HERC3: variants seen among roughly 807,000 people sequenced by gnomAD.
HERC3 encodes probable E3 ubiquitin-protein ligase HERC3.
In HERC3, 58 loss-of-function variants were observed where a neutral mutation model predicts 129.9. The ratio of observed to expected loss-of-function variants is 0.45; its 90% CI spans 0.36 to 0.56. The LOEUF is 0.56. Among genes scored for constraint, HERC3 ranks in the 20% least tolerant of loss-of-function variants. The pLI is 0.00. For synonymous variants in HERC3, 430 were observed against 451.0 expected (o/e 0.95, Z 0.59); for missense variants, 835 against 1,244.2 (o/e 0.67, Z 4.95).
chr4:88,549,211 A>G, the HERC3 span, among the ~76,000 whole-genome samples: 25 of 152,124 alleles, frequency 1.6e-4, no homozygotes, highest in African/African-American at 4.8e-4. Context: ...TGTGGATGCA[A>G]TTTGTCCTAG....
chr4:88,637,787 CA>C (rs1218805477), intron 3 of HERC3, among the ~76,000 whole-genome samples: 3 of 151,948 alleles, frequency 2.0e-5, no homozygotes, highest in African/African-American at 7.3e-5. Context: ...AAAAACCCTT[CA>C]AAAAATCATT....
intron 4 of HERC3, among the ~76,000 whole-genome samples, chr4:88,650,887 C>G (rs183052814): frequency 1.3e-4 from 20 of 152,290 alleles, no homozygotes; most frequent in African/African-American, 4.6e-4. Context: ...TTATCGTCCC[C>G]TTTAAAGAAC....
intron 3 of HERC3, among the ~76,000 whole-genome samples, chr4:88,628,310 A>G (rs926188207): frequency 2.6e-5 from 4 of 152,208 alleles, no homozygotes; most frequent in African/African-American, 9.6e-5. Flanking sequence ...CTTTGTCCCT[A>G]GTAATATTCG....
At chr4:88,579,989 A>T in the HERC3 span, among the ~76,000 whole-genome samples, 5 of 152,216 alleles carry the variant, frequency 3.3e-5, no homozygotes, top group Admixed American at 3.3e-4. Context: ...TGTTAGCCCG[A>T]TAAGACTCAT....
chr4:88,649,815 T>A (rs138974685), intron 3 of HERC3, 25 bp from the exon 4 acceptor site: 1 of 1,607,084 alleles, frequency 6.2e-7, no homozygotes, highest in African/African-American at 1.3e-5. Flanking sequence ...TTGTACATTT[T>A]CCTCCTCCAA....
chr4:88,611,446 GT>G (rs1263283415), intron 3 of HERC3, among the ~76,000 whole-genome samples: 1 of 152,226 alleles, frequency 6.6e-6, no homozygotes, highest in African/African-American at 2.4e-5. Flanking sequence ...AGTAGCTTCT[GT>G]GGTATTTGGG....
At chr4:88,667,023 A>AT (rs1731118334) in intron 12 of HERC3, among the ~76,000 whole-genome samples, 1 of 152,188 alleles carries the variant, frequency 6.6e-6, no homozygotes, top group Admixed American at 6.6e-5. Flanking sequence ...ACAGAAAAAA[A>AT]CCAAAAAACA....
At chr4:88,588,992 C>T (rs1721595422), upstream of HERC3, among the ~76,000 whole-genome samples, 1 of 152,028 alleles carries the variant, frequency 6.6e-6, no homozygotes, top group Admixed American at 6.5e-5. Context: ...TTGCTTGAGT[C>T]TAGGAGTTTG....
the HERC3 span, among the ~76,000 whole-genome samples, chr4:88,546,775 A>G: frequency 6.6e-6 from 1 of 152,250 alleles, no homozygotes; most frequent in Admixed American, 6.5e-5. Context: ...TGCACTATAC[A>G]AATTGAAACT....
the HERC3 span, among the ~76,000 whole-genome samples, chr4:88,558,834 G>A: frequency 2.0e-5 from 3 of 151,900 alleles, no homozygotes; most frequent in African/African-American, 7.3e-5. Context: ...CAGGCATGAT[G>A]GTGGGCGCCT....
At chr4:88,641,728 C>T (rs1310148968) in intron 3 of HERC3, among the ~76,000 whole-genome samples, 1 of 152,128 alleles carries the variant, frequency 6.6e-6, no homozygotes, top group Admixed American at 6.5e-5. Flanking sequence ...TCTTCCAAAA[C>T]CACAAACTGT....
intron 3 of HERC3, among the ~76,000 whole-genome samples, chr4:88,629,163 A>C (rs1306560176): frequency 6.6e-6 from 1 of 152,244 alleles, no homozygotes; most frequent in African/African-American, 2.4e-5. Context: ...GGCTCAAAAC[A>C]AAACAAAACA....
At chr4:88,614,814 C>T (rs1389957240) in intron 3 of HERC3, among the ~76,000 whole-genome samples, 1 of 152,156 alleles carries the variant, frequency 6.6e-6, no homozygotes, top group Non-Finnish European at 1.5e-5. Context: ...TCTTACAACA[C>T]AACAAATTAG....
chr4:88,687,301 T>TTAG lies in HERC3; in HGVS notation c.2657+4_2657+6dup. 1 of 1,603,802 alleles carries TTAG rather than the reference T, an allele frequency of 6.2e-7. No individual in the cohort carries two copies. Among genetic ancestry groups the TTAG allele is most frequent in the Non-Finnish European group, 8.5e-7 (1 of 1,171,566 alleles). ...TGTAACTGTGTGCAAGGATAACAGGTTAGTCCTGACCTTGGACTGTTGCAG... is the reference window on the plus strand; with the variant it reads ...TGTAACTGTGTGCAAGGATAACAGGTTAGTAGTCCTGACCTTGGACTGTTGCAG... On this transcript the variant is annotated splice_region_variant and intron_variant, in intron 23 of 25. Transcript: ENST00000402738.
chr4:88,643,937 T>C (rs1433790172), intron 3 of HERC3, among the ~76,000 whole-genome samples: 1 of 152,106 alleles, frequency 6.6e-6, no homozygotes, highest in African/African-American at 2.4e-5. Flanking sequence ...AACAACTCAA[T>C]AGTGAAATAA....
chr4:88,535,957 A>T, the HERC3 span, among the ~76,000 whole-genome samples: 1 of 152,304 alleles, frequency 6.6e-6, no homozygotes, highest in East Asian at 1.9e-4. Flanking sequence ...TCTTGGTTCC[A>T]TTTCCTTATT....
chr4:88,656,802 G>T (rs1376693608), intron 9 of HERC3: 13 of 152,192 alleles, frequency 8.5e-5, no homozygotes. Context: ...CTAAGAACTA[G>T]TTAGTGGTTA....
intron 25 of HERC3, 98 bp from the exon 26 acceptor site, chr4:88,706,654 C>A: frequency 2.3e-6 from 2 of 886,184 alleles, no homozygotes; most frequent in South Asian, 1.5e-5. Flanking sequence ...CTCATGCAAG[C>A]CACAGGGTGT....
intron 2 of HERC3, among the ~76,000 whole-genome samples, chr4:88,600,782 A>G (rs1186846921): frequency 2.0e-5 from 3 of 152,208 alleles, no homozygotes. Context: ...CACAGCCAAC[A>G]CTATAACTCA....
Sources: allele counts gnomAD v4.1 joint callset (sites outside exome capture counted in the v4.1 genomes callset), GRCh38; gene constraint gnomAD v4.1.1; transcripts MANE v1.5; gene names NCBI Gene and HGNC (gene_info 2026-07-23, HGNC 2026-07-21).